DACH1: variants seen among roughly 807,000 people sequenced by gnomAD.
DACH1 encodes the protein dachshund family transcription factor 1.
Under a neutral mutation model 54.2 loss-of-function variants are expected in DACH1, and 12 were observed. That is an observed-to-expected ratio of 0.22 (90% CI 0.14 to 0.36). DACH1 has a LOEUF of 0.36. DACH1 is among the 10% of genes least tolerant of loss of function. The pLI is 1.00. For missense variants in DACH1, 805 were observed against 929.8 expected (o/e 0.87, Z 1.75); for synonymous variants, 386 against 366.2 (o/e 1.05, Z -0.62).
At chr13:71,464,329 C>CTTTA (rs1236500518) in intron 10 of DACH1, among the ~76,000 whole-genome samples, 1 of 151,750 alleles carries the variant, frequency 6.6e-6, no homozygotes, top group Non-Finnish European at 1.5e-5. Context: ...ATTGAACTTT[C>CTTTA]TTTATTTTAA....
chr13:71,643,862 A>G (rs1878084510), intron 2 of DACH1, among the ~76,000 whole-genome samples: 1 of 152,180 alleles, frequency 6.6e-6, no homozygotes, highest in Non-Finnish European at 1.5e-5. Context: ...AAGAAAAAAA[A>G]AAGACAAAGA....
At chr13:71,770,042 G>C (rs1163430799) in intron 1 of DACH1, among the ~76,000 whole-genome samples, 2 of 151,552 alleles carry the variant, frequency 1.3e-5, no homozygotes, top group African/African-American at 4.8e-5. Flanking sequence ...AATACTTTTA[G>C]TACAGCTTTA....
chr13:71,639,218 A>T (rs567647499), intron 2 of DACH1, among the ~76,000 whole-genome samples: 11 of 152,286 alleles, frequency 7.2e-5, no homozygotes, highest in Admixed American at 2.0e-4. Context: ...TTTCTAAATA[A>T]ATTAAAATTG....
At chr13:71,732,315 T>G (rs1459893862) in intron 1 of DACH1, among the ~76,000 whole-genome samples, 1 of 152,120 alleles carries the variant, frequency 6.6e-6, no homozygotes, top group African/African-American at 2.4e-5. Flanking sequence ...CCAGGCGCAG[T>G]GGCTCACACC....
chr13:71,839,494 C>T lies in DACH1; in HGVS notation c.848+26428G>A, dbSNP rs935439160. On this transcript the variant is annotated intron_variant, in intron 1 of 10. Coordinates refer to ENST00000613252, the MANE Select transcript of DACH1 (RefSeq NM_080759.6). ...TGGTGGCGGGCGCCTGTAGTCCCAG[C>T]TACTCGGGAGGTTGAGGCAGGAGAA... is the stretch of plus-strand genomic sequence containing the variant. Among the ~76,000 whole-genome samples, 3 of 152,092 alleles carry T rather than the reference C, an allele frequency of 2.0e-5. No individual in the cohort carries two copies. In the South Asian group the frequency reaches 6.2e-4, roughly 32 times the overall value.
intron 6 of DACH1, among the ~76,000 whole-genome samples, chr13:71,530,452 T>C (rs1041196562): frequency 2.7e-5 from 4 of 149,638 alleles, no homozygotes; most frequent in Non-Finnish European, 5.9e-5. Flanking sequence ...AAGACACTAA[T>C]TTAAAAAAAA....
chr13:71,786,288 C>T (rs569035464), intron 1 of DACH1, among the ~76,000 whole-genome samples: 1 of 152,190 alleles, frequency 6.6e-6, no homozygotes, highest in South Asian at 2.1e-4. Flanking sequence ...TATTATAGAT[C>T]GATATAGCTT....
chr13:71,470,307 T>C (rs942279117), intron 10 of DACH1, among the ~76,000 whole-genome samples: 6 of 50,240 alleles, frequency 1.2e-4, no homozygotes, highest in Non-Finnish European at 3.1e-4. Flanking sequence ...CTTCTTTCTG[T>C]TTTTTCTTTT....
intron 4 of DACH1, among the ~76,000 whole-genome samples, chr13:71,564,385 T>C (rs1169500992): frequency 6.6e-6 from 1 of 150,488 alleles, no homozygotes; most frequent in East Asian, 2.0e-4. Flanking sequence ...ACTTTACCAA[T>C]CAATAAAACA....
At chr13:71,584,454 A>C (rs369861526) in intron 3 of DACH1, among the ~76,000 whole-genome samples, 10 of 152,164 alleles carry the variant, frequency 6.6e-5, no homozygotes, top group African/African-American at 2.2e-4. Context: ...AATAAACAAT[A>C]ATGGAAAGAC....
chr13:71,557,968 G>C (rs552646704), intron 5 of DACH1, among the ~76,000 whole-genome samples: 1 of 138,228 alleles, frequency 7.2e-6, no homozygotes, highest in Non-Finnish European at 1.6e-5. Flanking sequence ...TTTGCAGCTA[G>C]AAAAAAAAAA....
intron 1 of DACH1, among the ~76,000 whole-genome samples, chr13:71,808,144 C>T (rs945751327): frequency 2.0e-5 from 3 of 152,124 alleles, no homozygotes; most frequent in Admixed American, 6.6e-5. Flanking sequence ...TCTTAAATTG[C>T]TTTCTTTTAT....
At chr13:71,789,654 T>C (rs1886754184) in intron 1 of DACH1, among the ~76,000 whole-genome samples, 1 of 152,110 alleles carries the variant, frequency 6.6e-6, no homozygotes, top group Non-Finnish European at 1.5e-5. Context: ...AAAGGGCATT[T>C]TAACCCATTA....
intron 6 of DACH1, among the ~76,000 whole-genome samples, chr13:71,546,611 A>G (rs1883483148): frequency 6.6e-6 from 1 of 151,976 alleles, no homozygotes; most frequent in Non-Finnish European, 1.5e-5. Flanking sequence ...TTACTTTTAA[A>G]AAGCATTTCT....
chr13:71,612,502 C>T (rs1335600676), intron 3 of DACH1, among the ~76,000 whole-genome samples: 2 of 151,968 alleles, frequency 1.3e-5, no homozygotes, highest in African/African-American at 4.8e-5. Flanking sequence ...CCTTATTTTC[C>T]CTACCTAATA....
intron 2 of DACH1, chr13:71,674,947 T>C (rs1263186447): frequency 1.2e-5 from 8 of 653,564 alleles, no homozygotes; most frequent in East Asian, 8.1e-5. Context: ...TGAAAACACA[T>C]ACAAACGGTG....
At chr13:71,831,672 C>T (rs1323194449) in intron 1 of DACH1, among the ~76,000 whole-genome samples, 1 of 151,932 alleles carries the variant, frequency 6.6e-6, no homozygotes, top group Admixed American at 6.6e-5. Context: ...GGATTGCTCC[C>T]AAATGTTCAG....
intron 6 of DACH1, among the ~76,000 whole-genome samples, chr13:71,527,283 T>G (rs1257315255): frequency 6.6e-6 from 1 of 152,120 alleles, no homozygotes; most frequent in African/African-American, 2.4e-5. Context: ...AAAAATAATA[T>G]AAGCATATTA....
At chr13:71,603,698 G>T (rs1874672143) in intron 3 of DACH1, among the ~76,000 whole-genome samples, 1 of 151,490 alleles carries the variant, frequency 6.6e-6, no homozygotes, top group East Asian at 1.9e-4. Flanking sequence ...GTTTTAAATG[G>T]GATAGATACT....
Sources: gnomAD v4.1 joint callset for allele counts (sites outside exome capture counted in the v4.1 genomes callset) on GRCh38, gnomAD v4.1.1 for gene constraint, MANE v1.5 for transcripts, NCBI Gene and HGNC (gene_info 2026-07-23, HGNC 2026-07-21) for gene names.